The following CCDC180 variants were observed in gnomAD, a reference collection of about 807,000 sequenced individuals.
The protein encoded by CCDC180 is coiled-coil domain containing 180, also known as coiled-coil domain-containing protein 180.
In CCDC180, 154 loss-of-function variants were observed where a neutral mutation model predicts 209.2. The ratio of observed to expected loss-of-function variants is 0.74; its 90% CI spans 0.65 to 0.84. The LOEUF is 0.84. Ranked by LOEUF, CCDC180 falls within the 40% of genes least tolerant of loss-of-function variation. The pLI, the probability that CCDC180 is intolerant of heterozygous loss-of-function variation, is 0.00. For missense variants in CCDC180, 1,874 were observed against 1,997.3 expected (o/e 0.94, Z 1.18); for synonymous variants, 778 against 749.1 (o/e 1.04, Z -0.63).
In CCDC180 at chr9:97,364,035, C is replaced by G. The variant is rs758240449; in HGVS notation, c.3903-16C>G. 1.9e-6 allele frequency: 3 copies of G among 1,613,410 alleles called. No individual in the cohort carries two copies. Among genetic ancestry groups the G allele is most frequent in the Non-Finnish European group, 1.7e-6 (2 of 1,179,468 alleles). On this transcript the variant is annotated splice_polypyrimidine_tract_variant and intron_variant, in intron 28 of 36. Transcript: ENST00000529487. ...GTCCACAGCCTCCAGACCACCCACC[C>G]ACCTTTGTCCCACAGCTTCACACCG...
At chr9:97,344,409 T>A (rs1220972724) in intron 19 of CCDC180, among the ~76,000 whole-genome samples, 2 of 152,168 alleles carry the variant, frequency 1.3e-5, no homozygotes, top group African/African-American at 2.4e-5. Context: ...TCAAACATCA[T>A]CCCTCTCCTT....
intron 18 of CCDC180, among the ~76,000 whole-genome samples, chr9:97,337,612 G>T (rs1045625476): frequency 5.3e-5 from 8 of 152,144 alleles, no homozygotes; most frequent in Non-Finnish European, 8.8e-5. Context: ...AGGGATATTG[G>T]TCTAAAATTC....
At chr9:97,338,439 C>A (rs1214651808) in intron 18 of CCDC180, among the ~76,000 whole-genome samples, 1 of 152,174 alleles carries the variant, frequency 6.6e-6, no homozygotes, top group African/African-American at 2.4e-5. Flanking sequence ...CATTCAGGAG[C>A]AGGTTGTTCT....
intron 22 of CCDC180, among the ~76,000 whole-genome samples, chr9:97,351,713 A>T (rs1333084606): frequency 6.6e-6 from 1 of 152,182 alleles, no homozygotes; most frequent in Non-Finnish European, 1.5e-5. Flanking sequence ...ATGGAATCCT[A>T]GTATACATGC....
chr9:97,309,518 T>C lies in CCDC180; in HGVS notation c.174T>C (p.Pro58=), dbSNP rs891186482. 10 of 1,604,124 alleles carry C rather than the reference T, an allele frequency of 6.2e-6. No homozygotes were observed. The African/African-American group carries it at 1.2e-4, about 19-fold the overall frequency. ...RIPMMKKVET[P]EGEVMSPRQQ... is the part of the protein sequence containing the mutation. ...CCATGATGAAGAAGGTGGAGACTCC[T>C]GAAGGGGAGGTGATGTCTCCCCGAC... The change falls in exon 3 of 37, where the codon CCT becomes CCC. Residue 58 remains proline (P), a synonymous_variant. Coordinates refer to ENST00000529487, the MANE Select transcript of CCDC180 (RefSeq NM_020893.6).
intron 18 of CCDC180, among the ~76,000 whole-genome samples, chr9:97,334,740 G>T (rs1564158562): frequency 6.6e-6 from 1 of 152,058 alleles, no homozygotes; most frequent in Non-Finnish European, 1.5e-5. Flanking sequence ...AGTTTTCATT[G>T]AGAATATGGT....
chr9:97,376,473 C>A (rs1385771328), intron 36 of CCDC180: 1 of 290,228 alleles, frequency 3.4e-6, no homozygotes, highest in Non-Finnish European at 6.7e-6. Context: ...GGACAGAGCT[C>A]AGGAAGGAGT....
rs758248139 is a variant in CCDC180, at chr9:97,308,028, C to CGGCTTCCCGGCAGG, written c.-32_-19dup. On this transcript the variant is annotated 5_prime_UTR_variant, in exon 2 of 37. Transcript: ENST00000529487. The stretch of plus-strand genomic sequence containing the variant: ...AAGCCTAGACGCGTTTCCTGGACGA[C>CGGCTTCCCGGCAGG]GGCTTCCCGGCAGGGGCATCCAGCC... 1.7e-5 allele frequency: 28 copies of CGGCTTCCCGGCAGG among 1,611,456 alleles called. No homozygotes were observed. The highest frequency in any genetic ancestry group is 1.7e-5 in the Admixed American group (1 of 59,378).
At chr9:97,327,991 G>T (rs1564154397) in intron 15 of CCDC180, 29 bp from the exon 16 acceptor site, 1 of 1,604,218 alleles carries the variant, frequency 6.2e-7, no homozygotes, top group Non-Finnish European at 8.5e-7. Flanking sequence ...CCTAGCTGGG[G>T]TCTCCTGTCT....
intron 18 of CCDC180, among the ~76,000 whole-genome samples, chr9:97,332,667 C>G (rs928781614): frequency 1.3e-5 from 2 of 152,054 alleles, no homozygotes; most frequent in Non-Finnish European, 2.9e-5. Context: ...TGATTTGGCT[C>G]TCGGCTTAGA....
In CCDC180 at chr9:97,343,733, G is replaced by A. The variant is rs74346496; in HGVS notation, c.2498+170G>A. On this transcript the variant is annotated intron_variant, in intron 19 of 36. Transcript: ENST00000529487. ...ACACAATAAAAAATGGCAAAATCCA[G>A]GAATTATTTGCAGTCACAGATATCT... The A allele has an allele frequency of 2.6e-3, 1,557 of 602,592 alleles. 19 individuals are homozygous for A. The highest frequency in any genetic ancestry group is 0.026 in the African/African-American group (1,391 of 53,918). 37.3% of individuals were successfully genotyped at this position (602,592 alleles called of 1,614,324 possible).
At chr9:97,308,200 C>G in intron 2 of CCDC180, 68 bp downstream of exon 2, 1 of 1,399,722 alleles carries the variant, frequency 7.1e-7, no homozygotes, top group South Asian at 1.6e-5. Flanking sequence ...ACTTCCCTCC[C>G]TCCCAGGGCT....
intron 18 of CCDC180, among the ~76,000 whole-genome samples, chr9:97,333,968 G>A (rs1282762082): frequency 1.3e-5 from 2 of 151,642 alleles, no homozygotes; most frequent in Non-Finnish European, 2.9e-5. Context: ...CTACAGGTGT[G>A]TACTACCACA....
At chr9:97,338,759 G>A (rs1239448215) in intron 18 of CCDC180, among the ~76,000 whole-genome samples, 2 of 152,140 alleles carry the variant, frequency 1.3e-5, no homozygotes. Flanking sequence ...ACAGTGGGGT[G>A]TTACAGTCTC....
Position 97,330,587 on chromosome 9 carries a change from TGAAA to T in CCDC180, c.2097_2100del (p.Glu701AlafsTer3). 6.2e-7 allele frequency: 1 copy of T among 1,613,864 alleles called. No individual in the cohort carries two copies. The highest frequency in any genetic ancestry group is 2.2e-5 in the East Asian group (1 of 44,858). On this transcript the variant is annotated frameshift_variant, in exon 18 of 37. Transcript: ENST00000529487. LOFTEE classifies it high-confidence loss of function. ...TTCAGGGACTGGAAGAAATGCAGGTTGAAAGAGAGGGCTCCTTAAACCCATCCCT... is the reference window on the plus strand; with the variant it reads ...TTCAGGGACTGGAAGAAATGCAGGTTGAGAGGGCTCCTTAAACCCATCCCT...
chr9:97,313,821 G>A (rs1054087046), intron 5 of CCDC180, among the ~76,000 whole-genome samples: 1 of 152,184 alleles, frequency 6.6e-6, no homozygotes, highest in African/African-American at 2.4e-5. Flanking sequence ...TGTCTGGAAT[G>A]TTCCCTAAAC....
At chr9:97,323,039 A>C in intron 12 of CCDC180, 118 bp downstream of exon 12, 2 of 729,412 alleles carry the variant, frequency 2.7e-6, no homozygotes, top group Non-Finnish European at 4.7e-6. Context: ...TCACACCCAC[A>C]CACCCTTTAG....
rs1369867582 is a variant in CCDC180, at chr9:97,314,844, T to C, written c.700-7T>C. 2 of 1,613,114 alleles carry C rather than the reference T, an allele frequency of 1.2e-6. No individual in the cohort carries two copies. Among genetic ancestry groups the C allele is most frequent in the South Asian group, 1.1e-5 (1 of 91,060 alleles). ...AGCCACTAAGTATGGTGCCTTGTCA[T>C]TTCTAGCTAAAAAGCGTGTTGAAGA... On this transcript the variant is annotated splice_polypyrimidine_tract_variant and splice_region_variant and intron_variant, in intron 7 of 36. Coordinates refer to ENST00000529487, the MANE Select transcript of CCDC180 (RefSeq NM_020893.6).
Position 97,330,327 on chromosome 9 carries a change from C to T in CCDC180, c.1834C>T (p.His612Tyr). 6.2e-7 allele frequency: 1 copy of T among 1,613,012 alleles called. No individual in the cohort carries two copies. The highest frequency in any genetic ancestry group is 2.2e-5 in the East Asian group (1 of 44,850). Reference sequence around the variant, plus strand: ...TTGGTGTTTATCATCAACAGAAGCACATGAAAAACCCTCCCAGAAGAGAGT... The same window carrying T: ...TTGGTGTTTATCATCAACAGAAGCATATGAAAAACCCTCCCAGAAGAGAGT... ...VIFKFRQPEA[H>Y]EKPSQKRVKK... The change falls in exon 18 of 37, where the codon CAT becomes TAT. Residue 612 changes from histidine (H) to tyrosine (Y), a missense_variant. Physicochemically the swap from His to Tyr is moderately conservative, Grantham distance 83. Transcript: ENST00000529487.
Sources: gnomAD v4.1 joint callset for allele counts (sites outside exome capture counted in the v4.1 genomes callset) on GRCh38, gnomAD v4.1.1 for gene constraint, MANE v1.5 for transcripts, NCBI Gene and HGNC (gene_info 2026-07-23, HGNC 2026-07-21) for gene names.